SEMA6D: variants seen among roughly 807,000 people sequenced by gnomAD.
The protein encoded by SEMA6D is semaphorin-6D.
SEMA6D carries 35 observed loss-of-function variants against 106.6 expected under a neutral mutation model. The observed-to-expected ratio is 0.33, with a 90% CI of 0.25 to 0.44. The LOEUF (loss-of-function observed/expected upper bound fraction) is 0.44. Ranked by LOEUF, SEMA6D falls within the 20% of genes least tolerant of loss-of-function variation. The pLI is 1.00. For missense variants in SEMA6D, 1,185 were observed against 1,345.9 expected (o/e 0.88, Z 1.87); for synonymous variants, 499 against 487.7 (o/e 1.02, Z -0.31).
intron 4 of SEMA6D, among the ~76,000 whole-genome samples, chr15:47,659,584 C>T (rs182127926): frequency 1.0e-3 from 158 of 151,732 alleles, no homozygotes; most frequent in African/African-American, 3.6e-3. Flanking sequence ...AAGAAAATGA[C>T]GACTAATAAA....
chr15:47,539,666 A>G (rs953651912), intron 3 of SEMA6D, among the ~76,000 whole-genome samples: 1 of 152,066 alleles, frequency 6.6e-6, no homozygotes, highest in African/African-American at 2.4e-5. Flanking sequence ...CTCGTGATCC[A>G]CCCACCTTCG....
At chr15:47,273,625 C>A (rs1267443325) in intron 1 of SEMA6D, among the ~76,000 whole-genome samples, 1 of 152,142 alleles carries the variant, frequency 6.6e-6, no homozygotes, top group Non-Finnish European at 1.5e-5. Flanking sequence ...AAATAATAAG[C>A]CTGCTATAAT....
intron 4 of SEMA6D, among the ~76,000 whole-genome samples, chr15:47,649,571 G>A (rs533441727): frequency 3.0e-4 from 46 of 152,336 alleles, no homozygotes; most frequent in Non-Finnish European, 5.7e-4. Flanking sequence ...GAGCCCAGGA[G>A]TTCAAGGCTG....
At chr15:47,197,599 A>T (rs1262907259) in intron 1 of SEMA6D, among the ~76,000 whole-genome samples, 22 of 151,986 alleles carry the variant, frequency 1.4e-4, no homozygotes, top group African/African-American at 5.3e-4. Context: ...TAGTTCATTC[A>T]TAGCCTCTAA....
At chr15:47,583,139 T>G (rs1184759220) in intron 3 of SEMA6D, among the ~76,000 whole-genome samples, 1 of 152,126 alleles carries the variant, frequency 6.6e-6, no homozygotes, top group Non-Finnish European at 1.5e-5. Context: ...TGGCCATATA[T>G]CTCAAGGATG....
intron 2 of SEMA6D, among the ~76,000 whole-genome samples, chr15:47,463,249 C>T (rs372207670): frequency 1.0e-3 from 152 of 152,188 alleles, no homozygotes; most frequent in African/African-American, 3.4e-3. Flanking sequence ...AAATATTTTT[C>T]AAGCCTTCAG....
intron 3 of SEMA6D, among the ~76,000 whole-genome samples, chr15:47,593,083 T>A (rs2076468532): frequency 6.6e-6 from 1 of 152,120 alleles, no homozygotes; most frequent in Non-Finnish European, 1.5e-5. Context: ...TTCAGAAGCA[T>A]TCATTACTTT....
At chr15:47,531,948 T>C (rs1368443344) in intron 3 of SEMA6D, among the ~76,000 whole-genome samples, 4 of 152,204 alleles carry the variant, frequency 2.6e-5, no homozygotes, top group Admixed American at 2.6e-4. Flanking sequence ...GCAAAAGTAA[T>C]GGCAAAACCA....
At chr15:47,675,795 T>A (rs927162191) in intron 4 of SEMA6D, among the ~76,000 whole-genome samples, 1 of 152,186 alleles carries the variant, frequency 6.6e-6, no homozygotes, top group African/African-American at 2.4e-5. Context: ...CTGGGCTTAT[T>A]TGCCCTCAGA....
intron 3 of SEMA6D, among the ~76,000 whole-genome samples, chr15:47,530,914 T>A (rs2044938875): frequency 6.6e-6 from 1 of 152,150 alleles, no homozygotes; most frequent in Non-Finnish European, 1.5e-5. Context: ...ATGGATATAA[T>A]TAAATGAAAT....
At chr15:47,277,419 C>G (rs757746306) in intron 1 of SEMA6D, among the ~76,000 whole-genome samples, 5 of 151,960 alleles carry the variant, frequency 3.3e-5, no homozygotes, top group Non-Finnish European at 5.9e-5. Flanking sequence ...ATTGGCACAG[C>G]CACCCTGGCC....
chr15:47,723,856 A>G (rs2079567543), intron 1 of SEMA6D, among the ~76,000 whole-genome samples: 1 of 152,216 alleles, frequency 6.6e-6, no homozygotes. Context: ...TACATATATA[A>G]TAAGGCCTCA....
intron 3 of SEMA6D, among the ~76,000 whole-genome samples, chr15:47,549,430 C>T (rs1475587984): frequency 6.6e-6 from 1 of 152,148 alleles, no homozygotes; most frequent in African/African-American, 2.4e-5. Context: ...TTCCCCAGCA[C>T]AGTCTGCTTA....
chr15:47,226,590 A>G (rs545620744), intron 1 of SEMA6D, among the ~76,000 whole-genome samples: 1 of 152,166 alleles, frequency 6.6e-6, no homozygotes, highest in South Asian at 2.1e-4. Context: ...TCAAATCCAT[A>G]GCTGCAGTGG....
chr15:47,450,829 C>T (rs1479526725), intron 2 of SEMA6D, among the ~76,000 whole-genome samples: 2 of 151,984 alleles, frequency 1.3e-5, no homozygotes, highest in Non-Finnish European at 2.9e-5. Flanking sequence ...GCCATTGTTA[C>T]TGGGGAAAAA....
At chr15:47,329,777 T>C (rs970972883) in intron 1 of SEMA6D, among the ~76,000 whole-genome samples, 2 of 152,288 alleles carry the variant, frequency 1.3e-5, no homozygotes, top group Non-Finnish European at 2.9e-5. Context: ...GTTGGAACTA[T>C]CTGTGTTTTT....
At chr15:47,750,887 G>C (rs1188005726) in intron 1 of SEMA6D, among the ~76,000 whole-genome samples, 1 of 152,116 alleles carries the variant, frequency 6.6e-6, no homozygotes, top group African/African-American at 2.4e-5. Context: ...GGTGGAGGGT[G>C]GGGTAGCAGT....
At chr15:47,368,374 T>C (rs1342871669) in intron 1 of SEMA6D, among the ~76,000 whole-genome samples, 1 of 152,260 alleles carries the variant, frequency 6.6e-6, no homozygotes, top group Non-Finnish European at 1.5e-5. Flanking sequence ...GCTCCTTTTT[T>C]CACTTCCCTC....
intron 1 of SEMA6D, among the ~76,000 whole-genome samples, chr15:47,722,287 G>A (rs927635790): frequency 2.0e-5 from 3 of 152,134 alleles, no homozygotes; most frequent in Non-Finnish European, 4.4e-5. Context: ...ACTTGAAAAG[G>A]GGAAGAAAGG....
Sources: gnomAD v4.1 joint callset for allele counts (sites outside exome capture counted in the v4.1 genomes callset) on GRCh38, gnomAD v4.1.1 for gene constraint, MANE v1.5 for transcripts, NCBI Gene and HGNC (gene_info 2026-07-23, HGNC 2026-07-21) for gene names.